Variants in TBC1D25 observed in about 807,000 individuals in gnomAD.
TBC1D25 encodes the protein 5SN3 snoRNA.
Under a neutral mutation model 38.8 loss-of-function variants are expected in TBC1D25, and 13 were observed. The ratio of observed to expected loss-of-function variants is 0.34; its 90% CI spans 0.22 to 0.53. The LOEUF is 0.53. Among genes scored for constraint, TBC1D25 ranks in the 20% least tolerant of loss-of-function variants. TBC1D25 has a pLI of 0.94. For synonymous variants in TBC1D25, 225 were observed against 255.6 expected, an observed-to-expected ratio of 0.88 and a Z score of 1.14; for missense variants, 372 against 600.0, an observed-to-expected ratio of 0.62 and a Z score of 3.97.
At position 48,560,291 on chromosome X, in the gene TBC1D25, G is replaced by T. The variant is rs782565325; in HGVS notation, c.1383G>T (p.Arg461Ser). 1.5e-5 allele frequency: 18 copies of T among 1,209,629 alleles called. No homozygotes were observed. The highest frequency in any genetic ancestry group is 3.0e-5 in the East Asian group (1 of 33,733). The change falls in exon 6 of 6, where the codon AGG becomes AGT. Residue 461 changes from arginine to serine, a missense_variant. By Grantham distance (110) the Arg-to-Ser change is moderately radical. Transcript: ENST00000376771. The part of the protein sequence containing the change: ...QVADAGFGGH[R>S]GWPVRQRHML... ...CAGACGCTGGTTTTGGTGGCCACAG[G>T]GGGTGGCCCGTGCGACAGAGGCACA...
Position 48,539,735 on chromosome X carries a change from G to C in TBC1D25, c.-63G>C. 1 of 942,978 alleles carries C rather than the reference G, an allele frequency of 1.1e-6. No individual in the cohort carries two copies. Among genetic ancestry groups the C allele is most frequent in the South Asian group, 5.3e-5 (1 of 18,897 alleles). 77.7% of individuals were successfully genotyped at this position (942,978 alleles called of 1,213,427 possible). Reference sequence around the variant, plus strand: ...AGGTGGGGCGGCGGGCGTCAGTACAGTAGAGTGTGCGCCGGGGTGGGGGGC... The same window carrying C: ...AGGTGGGGCGGCGGGCGTCAGTACACTAGAGTGTGCGCCGGGGTGGGGGGC... On this transcript the variant is annotated 5_prime_UTR_variant, in exon 1 of 6. Coordinates refer to ENST00000376771, the MANE Select transcript of TBC1D25 (RefSeq NM_002536.4).
intron 2 of TBC1D25, among the ~76,000 whole-genome samples, chrX:48,544,248 C>G (rs1322998182): frequency 3.7e-5 from 4 of 107,993 alleles, no homozygotes; most frequent in Non-Finnish European, 7.7e-5. Context: ...ACACAGATTG[C>G]TTTTTTTTTA....
chrX:48,543,324 C>T (rs1170621345), intron 2 of TBC1D25, among the ~76,000 whole-genome samples: 3 of 109,178 alleles, frequency 2.7e-5, no homozygotes, highest in Non-Finnish European at 5.7e-5. Flanking sequence ...GCAACCTCCA[C>T]CTCCTGAGTT....
At chrX:48,540,730 C>G (rs946667368) in intron 1 of TBC1D25, among the ~76,000 whole-genome samples, 23 of 111,923 alleles carry the variant, frequency 2.1e-4, no homozygotes, top group Non-Finnish European at 4.3e-4. Flanking sequence ...TCCGACCAAC[C>G]AGTGGCACTG....
chrX:48,560,651 C>A lies in TBC1D25; in HGVS notation c.1743C>A (p.Ser581=), dbSNP rs2062017193. 8.3e-7 allele frequency: 1 copy of A among 1,209,824 alleles called. No individual in the cohort carries two copies. Among genetic ancestry groups the A allele is most frequent in the African/African-American group, 1.7e-5 (1 of 57,192 alleles). Residue 581 remains serine, a synonymous_variant, in exon 6 of 6, where the codon TCC becomes TCA. Transcript: ENST00000376771. ...ASPTGDMAVG[S]PLMQEVGSPK... is the part of the protein sequence containing the mutation. ...CCACTGGTGATATGGCTGTAGGATC[C>A]CCCTTGATGCAAGAGGTAGGCTCCC... is the stretch of plus-strand genomic sequence containing the variant.
chrX:48,556,767 A>G (rs2061979226), intron 3 of TBC1D25, among the ~76,000 whole-genome samples: 1 of 97,440 alleles, frequency 1.0e-5, no homozygotes, highest in African/African-American at 3.9e-5. Context: ...AAAAAAAAAA[A>G]AGCCAGCCAC....
chrX:48,558,798 C>T, intron 3 of TBC1D25, 99 bp from the exon 4 acceptor site: 1 of 1,094,891 alleles, frequency 9.1e-7, no homozygotes, highest in Non-Finnish European at 1.2e-6. Flanking sequence ...GTTGTTTGTT[C>T]CCCTGCAGGT....
intron 3 of TBC1D25, among the ~76,000 whole-genome samples, chrX:48,546,209 T>C (rs1193719060): frequency 1.7e-5 from 1 of 59,656 alleles, no homozygotes; most frequent in African/African-American, 7.1e-5. Flanking sequence ...CGAGACTTCA[T>C]CTCAAAAAAA....
Position 48,560,470 on chromosome X carries a change from G to A in TBC1D25, c.1562G>A (p.Arg521Lys). The A allele has an allele frequency of 8.3e-7, 1 of 1,209,214 alleles. No individual in the cohort carries two copies. The highest frequency in any genetic ancestry group is 1.8e-5 in the South Asian group (1 of 56,437). ...QQLRDNMGSR[R>K]DPLVQLPHPA... ...CTCAGGGATAACATGGGCTCCAGGA[G>A]GGACCCTCTGGTCCAGCTGCCCCAC... The change falls in exon 6 of 6, where the codon AGG (arginine) becomes AAG (lysine). Residue 521 changes from arginine to lysine, a missense_variant. Physicochemically the swap from Arg to Lys is conservative, Grantham distance 26 (BLOSUM62 2). Coordinates refer to ENST00000376771, the MANE Select transcript of TBC1D25 (RefSeq NM_002536.4).
chrX:48,552,476 C>T (rs1356368333), intron 3 of TBC1D25, among the ~76,000 whole-genome samples: 5 of 109,767 alleles, frequency 4.6e-5, no homozygotes, highest in Non-Finnish European at 9.5e-5. Context: ...CTCAGCCTCC[C>T]GAGTAGCTGG....
chrX:48,557,143 G>A (rs1476515649), intron 3 of TBC1D25, among the ~76,000 whole-genome samples: 1 of 109,896 alleles, frequency 9.1e-6, no homozygotes, highest in Middle Eastern at 4.3e-3. Context: ...CAAGAGGATC[G>A]TTTGAGCCCA....
In TBC1D25 at chrX:48,560,613, C is replaced by CA. The variant is rs782448049; in HGVS notation, c.1706dup (p.Glu570GlyfsTer7). The CA allele has an allele frequency of 8.3e-7, 1 of 1,210,526 alleles. No homozygotes were observed. The highest frequency in any genetic ancestry group is 1.1e-6 in the Non-Finnish European group (1 of 894,831). ...ATCTTCCTCATCTCCACCATCCACC[C>CA]AGGAGGCCTCTCCCACTGGTGATAT... On this transcript the variant is annotated frameshift_variant, in exon 6 of 6. Transcript: ENST00000376771. LOFTEE classifies it high-confidence loss of function.
At chrX:48,551,338 TG>T (rs2061930282) in intron 3 of TBC1D25, among the ~76,000 whole-genome samples, 2 of 111,723 alleles carry the variant, frequency 1.8e-5, no homozygotes, top group African/African-American at 6.5e-5. Context: ...TTTGTTTGTT[TG>T]TTTGTTTGTT....
intron 3 of TBC1D25, among the ~76,000 whole-genome samples, chrX:48,555,398 T>C (rs781976770): frequency 1.1e-4 from 12 of 111,749 alleles, no homozygotes; most frequent in Non-Finnish European, 1.9e-4. Context: ...GGCATTTGCT[T>C]GCAAATGACA....
At position 48,541,350 on chromosome X, in the gene TBC1D25, G is replaced by A. The variant is rs138054349; in HGVS notation, c.141G>A (p.Leu47=). The change falls in exon 2 of 6, where the codon TTG becomes TTA. Residue 47 remains leucine (L), a synonymous_variant. Coordinates refer to ENST00000376771, the MANE Select transcript of TBC1D25 (RefSeq NM_002536.4). ...CTCCCCAGAAATGTGAGAGCTTCTT[G>A]CCGCCAGAGTTCCGCTCTTTTGCTG... is the stretch of plus-strand genomic sequence containing the variant. The part of the protein sequence containing the change: ...RVRVKKCESF[L]PPEFRSFAVD... The A allele has an allele frequency of 1.2e-5, 14 of 1,209,816 alleles. No homozygotes were observed. In the African/African-American group the frequency reaches 2.3e-4, roughly 20 times the overall value.
chrX:48,555,339 C>T (rs888638294), intron 3 of TBC1D25, among the ~76,000 whole-genome samples: 2 of 111,370 alleles, frequency 1.8e-5, no homozygotes, highest in Non-Finnish European at 3.8e-5. Context: ...TTGTTCCCCC[C>T]CTCAGCTCTA....
chrX:48,544,736 T>A, intron 2 of TBC1D25, 133 bp from the exon 3 acceptor site: 3 of 831,148 alleles, frequency 3.6e-6, no homozygotes, highest in South Asian at 5.9e-5. Context: ...CCCATAATCC[T>A]TGGCACAGTA....
chrX:48,561,112 C>A lies in TBC1D25; in HGVS notation c.*137C>A. ...AGCATAGAGCCCTTCCTCCCCAGGC[C>A]TAAGTATGTGGAGCTCTGCTTTGGC... On this transcript the variant is annotated 3_prime_UTR_variant, in exon 6 of 6. Transcript: ENST00000376771. 1 of 725,934 alleles carries A rather than the reference C, an allele frequency of 1.4e-6. No homozygotes were observed. The highest frequency in any genetic ancestry group is 1.9e-6 in the Non-Finnish European group (1 of 514,691). The allele number at this position is 725,934 out of a possible 1,213,427, so 59.8% of individuals were successfully genotyped here. A position where few individuals can be genotyped will look rare whatever the true frequency, so the allele number is the denominator to read the frequency against.
At chrX:48,550,570 G>A (rs377408337) in intron 3 of TBC1D25, among the ~76,000 whole-genome samples, 6 of 108,778 alleles carry the variant, frequency 5.5e-5, no homozygotes, top group East Asian at 5.8e-4. Flanking sequence ...TCCGCCTCCC[G>A]GGTTCACGCC....
Sources: gnomAD v4.1 joint callset for allele counts (sites outside exome capture counted in the v4.1 genomes callset) on GRCh38, gnomAD v4.1.1 for gene constraint, MANE v1.5 for transcripts, NCBI Gene and HGNC (gene_info 2026-07-23, HGNC 2026-07-21) for gene names.